Variants in FSHR observed in about 807,000 individuals in gnomAD.
The protein encoded by FSHR is follicle-stimulating hormone receptor.
In FSHR, 46 loss-of-function variants were observed where a neutral mutation model predicts 52.1. That is an observed-to-expected ratio of 0.88 (90% CI 0.70 to 1.13). FSHR has a LOEUF of 1.13. Ranked by LOEUF, FSHR falls within the 50% of genes most tolerant of loss-of-function variation. The pLI is 0.00. For missense variants in FSHR, 964 were observed against 834.6 expected (o/e 1.16, Z -1.91); for synonymous variants, 399 against 309.6 (o/e 1.29, Z -3.03).
intron 5 of FSHR, among the ~76,000 whole-genome samples, chr2:48,990,015 C>G (rs994369237): frequency 6.6e-6 from 1 of 152,144 alleles, no homozygotes; most frequent in Non-Finnish European, 1.5e-5. Context: ...CTCCTTACAC[C>G]CCTTCCCCAT....
chr2:49,147,913 A>C (rs1415134388), intron 1 of FSHR, among the ~76,000 whole-genome samples: 1 of 151,968 alleles, frequency 6.6e-6, no homozygotes, highest in Non-Finnish European at 1.5e-5. Flanking sequence ...AGAAGTACCT[A>C]AACAAGGCTA....
chr2:49,056,615 G>A (rs1287454578), intron 2 of FSHR, among the ~76,000 whole-genome samples: 1 of 151,794 alleles, frequency 6.6e-6, no homozygotes, highest in Non-Finnish European at 1.5e-5. Context: ...TGTTTAGAGT[G>A]AAAATCAACA....
chr2:49,148,864 T>C (rs1266459577), intron 1 of FSHR, among the ~76,000 whole-genome samples: 1 of 151,890 alleles, frequency 6.6e-6, no homozygotes, highest in Non-Finnish European at 1.5e-5. Context: ...AGAGGTAAAG[T>C]CAGAAAGATG....
intron 1 of FSHR, among the ~76,000 whole-genome samples, chr2:49,137,990 C>T (rs1672546941): frequency 6.6e-6 from 1 of 151,998 alleles, no homozygotes; most frequent in Non-Finnish European, 1.5e-5. Context: ...TCAAAGGACA[C>T]CTTCAAAAAA....
At chr2:49,076,989 C>T (rs902391232) in intron 1 of FSHR, among the ~76,000 whole-genome samples, 1 of 152,198 alleles carries the variant, frequency 6.6e-6, no homozygotes. Context: ...CATGTGTCTT[C>T]CAGCCACATG....
At chr2:49,133,534 C>T (rs1169305089) in intron 1 of FSHR, among the ~76,000 whole-genome samples, 1 of 152,134 alleles carries the variant, frequency 6.6e-6, no homozygotes, top group Non-Finnish European at 1.5e-5. Context: ...CATCAAGCTA[C>T]CAATGACTTT....
intron 2 of FSHR, 120 bp from the exon 3 acceptor site, chr2:49,020,280 G>T: frequency 1.2e-6 from 1 of 855,486 alleles, no homozygotes; most frequent in Non-Finnish European, 2.0e-6. Context: ...CTCCTTTCCT[G>T]CCATTAAAGA....
intron 2 of FSHR, among the ~76,000 whole-genome samples, chr2:49,051,387 T>C (rs1668849596): frequency 6.6e-6 from 1 of 152,180 alleles, no homozygotes; most frequent in South Asian, 2.1e-4. Context: ...TTTTAATGGG[T>C]ATGTAATAGT....
intron 4 of FSHR, 82 bp downstream of exon 4, chr2:49,017,407 C>G (rs1667525554): frequency 1.9e-6 from 2 of 1,042,638 alleles, no homozygotes; most frequent in Non-Finnish European, 3.0e-6. Context: ...AATTGCTCCC[C>G]AGAGTATCAA....
At chr2:49,123,179 T>C (rs1034785289) in intron 1 of FSHR, among the ~76,000 whole-genome samples, 1 of 152,218 alleles carries the variant, frequency 6.6e-6, no homozygotes, top group African/African-American at 2.4e-5. Flanking sequence ...CATGATTTCA[T>C]GTCTCAAAAT....
At chr2:48,998,423 C>A (rs1029291368) in intron 4 of FSHR, among the ~76,000 whole-genome samples, 1 of 151,958 alleles carries the variant, frequency 6.6e-6, no homozygotes, top group African/African-American at 2.4e-5. Flanking sequence ...TAAGGAAATG[C>A]AATTTTCTAA....
chr2:49,000,126 G>A (rs1676192119), intron 4 of FSHR, among the ~76,000 whole-genome samples: 1 of 152,012 alleles, frequency 6.6e-6, no homozygotes, highest in African/African-American at 2.4e-5. Flanking sequence ...GTGAATTTTG[G>A]TTTACTCTCC....
chr2:49,010,073 G>A (rs551558220), intron 4 of FSHR, among the ~76,000 whole-genome samples: 2,273 of 76,010 alleles, frequency 0.03, 245 homozygotes, highest in African/African-American at 0.07. Flanking sequence ...TGTTGAATAG[G>A]ACCGGTGAGA....
chr2:49,025,715 G>A (rs1043412903), intron 2 of FSHR, among the ~76,000 whole-genome samples: 5 of 152,146 alleles, frequency 3.3e-5, no homozygotes, highest in African/African-American at 7.2e-5. Context: ...TACTGGCAAA[G>A]GTCCTAGAGA....
At chr2:49,029,810 G>A (rs1241688455) in intron 2 of FSHR, among the ~76,000 whole-genome samples, 1 of 152,152 alleles carries the variant, frequency 6.6e-6, no homozygotes, top group Non-Finnish European at 1.5e-5. Flanking sequence ...CTGGGCCTTT[G>A]TTCCTCATCT....
chr2:49,050,789 A>G (rs755976075), intron 2 of FSHR, among the ~76,000 whole-genome samples: 4 of 152,140 alleles, frequency 2.6e-5, no homozygotes, highest in Non-Finnish European at 5.9e-5. Context: ...AAATAATAAA[A>G]TGCATTCATT....
intron 2 of FSHR, among the ~76,000 whole-genome samples, chr2:49,056,594 A>G (rs1055775320): frequency 1.3e-5 from 2 of 151,866 alleles, no homozygotes; most frequent in African/African-American, 4.8e-5. Flanking sequence ...TACTCTCAGC[A>G]TTAGACAGAT....
chr2:49,000,317 C>T (rs1200250407), intron 4 of FSHR, among the ~76,000 whole-genome samples: 1 of 152,068 alleles, frequency 6.6e-6, no homozygotes, highest in Non-Finnish European at 1.5e-5. Context: ...AGAATCACGG[C>T]AAACTAAGTC....
chr2:49,068,478 C>T (rs1433378771), intron 1 of FSHR, among the ~76,000 whole-genome samples, 188 bp from the exon 2 acceptor site: 1 of 151,932 alleles, frequency 6.6e-6, no homozygotes, highest in Non-Finnish European at 1.5e-5. Context: ...TTAGTCTTTC[C>T]ATTTTGCATA....
Sources: gnomAD v4.1 joint callset for allele counts (sites outside exome capture counted in the v4.1 genomes callset) on GRCh38, gnomAD v4.1.1 for gene constraint, MANE v1.5 for transcripts, NCBI Gene and HGNC (gene_info 2026-07-23, HGNC 2026-07-21) for gene names.